RFFL: variants seen among roughly 807,000 people sequenced by gnomAD.
The protein encoded by RFFL is ring finger and FYVE like domain containing E3 ubiquitin protein ligase.
Under a neutral mutation model 40.4 loss-of-function variants are expected in RFFL, and 16 were observed. The observed-to-expected ratio is 0.40, with a 90% CI of 0.27 to 0.60. The LOEUF (loss-of-function observed/expected upper bound fraction) is 0.60. RFFL is among the 20% of genes least tolerant of loss of function. RFFL has a pLI of 0.47. For missense variants in RFFL, 367 were observed against 451.7 expected (o/e 0.81, Z 1.70); for synonymous variants, 154 against 167.9 (o/e 0.92, Z 0.64).
chr17:35,046,657 A>C (rs923948457), intron 1 of RFFL, among the ~76,000 whole-genome samples: 1 of 152,354 alleles, frequency 6.6e-6, no homozygotes, highest in East Asian at 1.9e-4. Context: ...AAAGACATAC[A>C]TAATAATCAC....
At chr17:35,077,010 A>T (rs1325579587) in intron 1 of RFFL, 1 of 296,744 alleles carries the variant, frequency 3.4e-6, no homozygotes, top group Non-Finnish European at 6.9e-6. Context: ...CATCTTAAGA[A>T]TTTCAACAAT....
At chr17:35,078,845 T>C (rs2091390045) in intron 1 of RFFL, among the ~76,000 whole-genome samples, 1 of 152,000 alleles carries the variant, frequency 6.6e-6, no homozygotes, top group Non-Finnish European at 1.5e-5. Flanking sequence ...CTGGATGTGG[T>C]GGCACACGCC....
At chr17:35,077,127 TTAAC>T (rs1437379506) in intron 1 of RFFL, 4 of 152,026 alleles carry the variant, frequency 2.6e-5, no homozygotes, top group African/African-American at 9.7e-5. Context: ...ATTAAATAAA[TTAAC>T]TATATAGTTC....
intron 4 of RFFL, 149 bp from the exon 5 acceptor site, chr17:35,016,729 G>A: frequency 1.6e-6 from 1 of 628,414 alleles, no homozygotes; most frequent in Non-Finnish European, 2.8e-6. Context: ...CTGGCATGGT[G>A]CTCTGCATTG....
intron 3 of RFFL, 95 bp downstream of exon 3, chr17:35,021,276 C>T (rs2091006588): frequency 7.9e-7 from 1 of 1,271,498 alleles, no homozygotes; most frequent in Non-Finnish European, 1.1e-6. Flanking sequence ...GACACTTAGC[C>T]TTATACCCCA....
chr17:35,019,066 A>C (rs1051647868), intron 3 of RFFL: 6 of 152,256 alleles, frequency 3.9e-5, no homozygotes, highest in African/African-American at 1.4e-4. Flanking sequence ...ACTAAAGGTG[A>C]AAGAGAGAAC....
chr17:35,076,222 G>A (rs1425525470), intron 1 of RFFL, among the ~76,000 whole-genome samples: 4 of 151,352 alleles, frequency 2.6e-5, no homozygotes, highest in Admixed American at 2.6e-4. Context: ...TCGAATTCCT[G>A]ACCTCAAGTG....
At chr17:35,015,267 T>C (rs1444247836) in intron 5 of RFFL, among the ~76,000 whole-genome samples, 2 of 152,232 alleles carry the variant, frequency 1.3e-5, no homozygotes, top group African/African-American at 2.4e-5. Flanking sequence ...ACACCCAGCC[T>C]GGTCTACTCT....
intron 1 of RFFL, among the ~76,000 whole-genome samples, chr17:35,082,944 T>C (rs145990095): frequency 3.2e-3 from 484 of 152,306 alleles, no homozygotes; most frequent in Middle Eastern, 6.8e-3. Flanking sequence ...GGATAACGTA[T>C]CTAGTGCCTG....
chr17:35,034,357 A>G (rs1045728856), intron 1 of RFFL, among the ~76,000 whole-genome samples: 1 of 151,876 alleles, frequency 6.6e-6, no homozygotes, highest in Non-Finnish European at 1.5e-5. Context: ...TAAAAAAGGA[A>G]AGGGGAGATA....
intron 1 of RFFL, among the ~76,000 whole-genome samples, chr17:35,071,213 A>C (rs1321450123): frequency 6.6e-6 from 1 of 151,874 alleles, no homozygotes; most frequent in Non-Finnish European, 1.5e-5. Flanking sequence ...AAAAAAAAAA[A>C]CAAAAATTTA....
At chr17:35,057,790 C>A (rs1380956479) in intron 1 of RFFL, among the ~76,000 whole-genome samples, 1 of 151,550 alleles carries the variant, frequency 6.6e-6, no homozygotes, top group Non-Finnish European at 1.5e-5. Flanking sequence ...ATTTGCTCTA[C>A]CTGTCCAAAA....
At chr17:35,013,177 A>G (rs891412766) in intron 6 of RFFL, among the ~76,000 whole-genome samples, 1 of 152,266 alleles carries the variant, frequency 6.6e-6, no homozygotes, top group African/African-American at 2.4e-5. Context: ...GCCCAAGGGC[A>G]CAAAGCTGCT....
chr17:35,054,015 C>T (rs1433560397), intron 1 of RFFL, among the ~76,000 whole-genome samples: 3 of 152,110 alleles, frequency 2.0e-5, no homozygotes, highest in Non-Finnish European at 4.4e-5. Context: ...ACTAGACTGA[C>T]GACACAGTGA....
chr17:35,060,608 C>T (rs553884073), intron 1 of RFFL, among the ~76,000 whole-genome samples: 7 of 152,216 alleles, frequency 4.6e-5, no homozygotes, highest in South Asian at 4.1e-4. Context: ...CGTGATATTG[C>T]GGGACTAGAT....
At chr17:35,012,884 A>C (rs2090949844) in intron 6 of RFFL, among the ~76,000 whole-genome samples, 1 of 152,256 alleles carries the variant, frequency 6.6e-6, no homozygotes, top group African/African-American at 2.4e-5. Flanking sequence ...AATTTTTACA[A>C]TTATATGCTT....
intron 1 of RFFL, among the ~76,000 whole-genome samples, chr17:35,081,820 G>A (rs974281723): frequency 1.6e-4 from 24 of 152,168 alleles, no homozygotes; most frequent in East Asian, 5.8e-4. Context: ...TGGCAGCAGC[G>A]CAGTGAACAA....
In RFFL at chr17:35,045,981, G is replaced by A. The variant is rs146514098; in HGVS notation, c.-9+17595C>T. On this transcript the variant is annotated intron_variant, in intron 1 of 6. Coordinates refer to ENST00000394597, the MANE Select transcript of RFFL (RefSeq NM_001017368.2). ...GCGGAGGTTGCGGTGAGCCAAGATT[G>A]CACACTGCACTCCACCCTGGCTGAC... Among the ~76,000 whole-genome samples the A allele has an allele frequency of 1.5e-3, 225 of 146,532 alleles. 2 individuals are homozygous for A. The highest frequency in any genetic ancestry group is 5.6e-3 in the African/African-American group (219 of 39,090).
At position 35,045,244 on chromosome 17, in the gene RFFL, T is replaced by C. The variant is rs117858643; in HGVS notation, c.-9+18332A>G. Among the ~76,000 whole-genome samples the C allele has an allele frequency of 4.5e-3, 679 of 151,994 alleles. 25 individuals carry two copies. The East Asian group carries it at 0.087, about 19-fold the overall frequency. ...AGTTTGTATAATTCTTTTTTTTTTC[T>C]TTTTTTGAGACAGAGTCTCACTCTG... On this transcript the variant is annotated intron_variant, in intron 1 of 6. Transcript: ENST00000394597.
Sources: allele counts gnomAD v4.1 joint callset (sites outside exome capture counted in the v4.1 genomes callset), GRCh38; gene constraint gnomAD v4.1.1; transcripts MANE v1.5; gene names NCBI Gene and HGNC (gene_info 2026-07-23, HGNC 2026-07-21).